Variants in MOXD1 observed in about 807,000 individuals in gnomAD.
The protein encoded by MOXD1 is DBH-like monooxygenase protein 1.
A neutral mutation model predicts 66.6 loss-of-function variants in MOXD1; 62 were observed. The ratio of observed to expected loss-of-function variants is 0.93; its 90% CI spans 0.76 to 1.15. The LOEUF (loss-of-function observed/expected upper bound fraction) is 1.15, where lower values mean the gene tolerates loss of function less well. Among genes scored for constraint, MOXD1 ranks in the 50% most tolerant of loss-of-function variants. The pLI, the probability that MOXD1 is intolerant of heterozygous loss-of-function variation, is 0.00. For missense variants in MOXD1, 847 were observed against 754.6 expected, an observed-to-expected ratio of 1.12 and a Z score of -1.44; for synonymous variants, 303 against 281.9, an observed-to-expected ratio of 1.07 and a Z score of -0.75.
At chr6:132,330,166 G>T (rs1022104580) in intron 4 of MOXD1, among the ~76,000 whole-genome samples, 8 of 152,152 alleles carry the variant, frequency 5.3e-5, no homozygotes, top group Admixed American at 3.9e-4. Flanking sequence ...TAGAGCAGGG[G>T]TCCCCAATCC....
In MOXD1 at chr6:132,374,632, G is replaced by A. The variant is rs61743596; in HGVS notation, c.410C>T (p.Thr137Met). The stretch of plus-strand genomic sequence containing the variant: ...TGCATTCACTCATAGATGCCTTACC[G>A]TTATACTCTTGTCATTTATGTCACA... ...HTCDINDKSI[T>M]DSTVRVIWAY... Residue 137 changes from threonine (T) to methionine (M), a missense_variant and splice_region_variant, in exon 2 of 12, where the codon ACG (threonine) becomes ATG (methionine). By Grantham distance (81) the Thr-to-Met change is moderately conservative. Coordinates refer to ENST00000367963, the MANE Select transcript of MOXD1 (RefSeq NM_015529.4). The A allele has an allele frequency of 1.4e-4, 219 of 1,613,258 alleles. No homozygotes were observed. The highest frequency in any genetic ancestry group is 2.2e-4 in the Admixed American group (13 of 59,992).
At position 132,315,755 on chromosome 6, in the gene MOXD1, T is replaced by A. The variant is rs1477772541; in HGVS notation, c.1388A>T (p.Glu463Val). 1 of 1,613,610 alleles carries A rather than the reference T, an allele frequency of 6.2e-7. No individual in the cohort carries two copies. Among genetic ancestry groups the A allele is most frequent in the East Asian group, 2.2e-5 (1 of 44,840 alleles). The change falls in exon 10 of 12, where the codon GAA (glutamate) becomes GTA (valine). Residue 463 changes from glutamate (E) to valine (V), a missense_variant. Physicochemically the swap from Glu to Val is moderately radical, Grantham distance 121. Transcript: ENST00000367963. The part of the protein sequence containing the change: ...MTWGGLSTRS[E>V]MCLSYLLYYP... ...ATAAAGAAGGTATGAGAGACACATT[T>A]CACTCCTGGTGCTTAGTCCTCCCTG...
At chr6:132,396,453 T>C (rs1347302880) in intron 1 of MOXD1, among the ~76,000 whole-genome samples, 1 of 151,640 alleles carries the variant, frequency 6.6e-6, no homozygotes, top group Admixed American at 6.6e-5. Context: ...ATAAATGATC[T>C]AATAATTCAC....
intron 4 of MOXD1, among the ~76,000 whole-genome samples, chr6:132,348,982 A>AT (rs1383288948): frequency 2.0e-5 from 3 of 150,208 alleles, no homozygotes; most frequent in Non-Finnish European, 4.4e-5. Flanking sequence ...ATTTTATTTT[A>AT]TTTTTTATTT....
chr6:132,401,394 C>A lies in MOXD1; in HGVS notation c.33G>T (p.Gly11=), dbSNP rs1773394622. Residue 11 remains glycine (G), a synonymous_variant, in exon 1 of 12, where the codon GGG becomes GGT. Coordinates refer to ENST00000367963, the MANE Select transcript of MOXD1 (RefSeq NM_015529.4). ...CCCCCGCCGCCGTCCCGGGGAGCAG[C>A]CCCCACAGCAGGAGCAGCGGCCAGC... The part of the protein sequence containing the change: MCCWPLLLLW[G]LLPGTAAGGS... 6.5e-7 allele frequency: 1 copy of A among 1,529,386 alleles called. No individual in the cohort carries two copies. Among genetic ancestry groups the A allele is most frequent in the Non-Finnish European group, 8.7e-7 (1 of 1,143,932 alleles). The allele number at this position is 1,529,386 out of a possible 1,614,324, so 94.7% of individuals were successfully genotyped here.
At chr6:132,317,471 C>T (rs2114560983) in intron 9 of MOXD1, among the ~76,000 whole-genome samples, 1 of 152,232 alleles carries the variant, frequency 6.6e-6, no homozygotes, top group Admixed American at 6.5e-5. Context: ...AGCATCTTAT[C>T]AACTAGTCAT....
At chr6:132,359,675 G>A (rs1180646648) in intron 4 of MOXD1, among the ~76,000 whole-genome samples, 4 of 151,430 alleles carry the variant, frequency 2.6e-5, no homozygotes, top group Admixed American at 6.6e-5. Flanking sequence ...TTTAGTAGAG[G>A]CGGGGTTTCA....
At chr6:132,357,785 T>G (rs1348949698) in intron 4 of MOXD1, among the ~76,000 whole-genome samples, 3 of 152,146 alleles carry the variant, frequency 2.0e-5, no homozygotes, top group South Asian at 2.1e-4. Flanking sequence ...TGAAATTGTT[T>G]TATATTTCAT....
chr6:132,347,843 T>C (rs946246037), intron 4 of MOXD1, among the ~76,000 whole-genome samples: 1 of 152,160 alleles, frequency 6.6e-6, no homozygotes, highest in African/African-American at 2.4e-5. Context: ...GTTAAACAAA[T>C]AAATGAATAG....
At chr6:132,380,894 T>C (rs185503193) in intron 1 of MOXD1, among the ~76,000 whole-genome samples, 4 of 152,292 alleles carry the variant, frequency 2.6e-5, no homozygotes, top group East Asian at 1.9e-4. Context: ...GGGAATGTTG[T>C]TGTGACCTTT....
intron 1 of MOXD1, among the ~76,000 whole-genome samples, chr6:132,384,838 A>G (rs1378051171): frequency 6.6e-6 from 1 of 152,186 alleles, no homozygotes; most frequent in Non-Finnish European, 1.5e-5. Flanking sequence ...CTTACATGCC[A>G]TTGTAGGGAG....
At chr6:132,341,380 G>C (rs1377712917) in intron 4 of MOXD1, among the ~76,000 whole-genome samples, 1 of 152,188 alleles carries the variant, frequency 6.6e-6, no homozygotes, top group Non-Finnish European at 1.5e-5. Flanking sequence ...AAATACGTTT[G>C]TGTTCTTTAT....
At chr6:132,303,080 G>A (rs553904639) in intron 10 of MOXD1, among the ~76,000 whole-genome samples, 1 of 111,066 alleles carries the variant, frequency 9.0e-6, no homozygotes, top group East Asian at 3.2e-4. Context: ...CTAAAACTGT[G>A]AACTTTTCAG....
chr6:132,380,869 C>G lies in MOXD1; in HGVS notation c.265-6092G>C, dbSNP rs564682346. Among the ~76,000 whole-genome samples, 274 of 152,248 alleles carry G rather than the reference C, an allele frequency of 1.8e-3. 1 individual carries two copies. The highest frequency in any genetic ancestry group is 6.2e-3 in the African/African-American group (259 of 41,542). On this transcript the variant is annotated intron_variant, in intron 1 of 11. Transcript: ENST00000367963. ...TGCATGATCTGTCATACAGACACAT[C>G]TGGCACTGAAATCTGGGAATGTTGT... is the stretch of plus-strand genomic sequence containing the variant.
chr6:132,345,682 T>C lies in MOXD1; in HGVS notation c.664-17088A>G, dbSNP rs536817862. Among the ~76,000 whole-genome samples the C allele has an allele frequency of 1.3e-4, 20 of 152,346 alleles. No homozygotes were observed. In the South Asian group the frequency reaches 3.5e-3, roughly 27 times the overall value. The stretch of plus-strand genomic sequence containing the variant: ...TAATTTATCTCCTCTTATTTTTTAA[T>C]GTAAAATTTGTATTTAGAGTAATAA... On this transcript the variant is annotated intron_variant, in intron 4 of 11. Coordinates refer to ENST00000367963, the MANE Select transcript of MOXD1 (RefSeq NM_015529.4).
rs767259255 is a variant in MOXD1, at chr6:132,328,130, T to C, written c.844-15A>G. The C allele has an allele frequency of 3.1e-6, 5 of 1,598,798 alleles. No individual in the cohort carries two copies. Among genetic ancestry groups the C allele is most frequent in the African/African-American group, 1.3e-5 (1 of 74,606 alleles). ...TAAGAAAAGCCCTAAATATGGAAAA[T>C]GCCATGAGACAATGTCCTATGAAAG... On this transcript the variant is annotated splice_polypyrimidine_tract_variant and intron_variant, in intron 5 of 11. Coordinates refer to ENST00000367963, the MANE Select transcript of MOXD1 (RefSeq NM_015529.4).
intron 4 of MOXD1, among the ~76,000 whole-genome samples, chr6:132,344,791 C>T (rs553021067): frequency 5.1e-4 from 77 of 152,270 alleles, no homozygotes; most frequent in African/African-American, 1.8e-3. Flanking sequence ...GACTGACCAC[C>T]TTTGAGTTGA....
In MOXD1 at chr6:132,372,598, A is replaced by T. The variant is rs143052729; in HGVS notation, c.663+10T>A. 4.9e-3 allele frequency: 7,860 copies of T among 1,597,466 alleles called. 35 individuals are homozygous for T. The highest frequency in any genetic ancestry group is 5.7e-3 in the Non-Finnish European group (6,616 of 1,165,306). ...GAAAATTAATTTTAGCCTATGAATG[A>T]GTCACATACCTTTATTACATGATGC... On this transcript the variant is annotated intron_variant, in intron 4 of 11. Coordinates refer to ENST00000367963, the MANE Select transcript of MOXD1 (RefSeq NM_015529.4).
intron 1 of MOXD1, among the ~76,000 whole-genome samples, chr6:132,388,380 C>A (rs1229199738): frequency 6.6e-6 from 1 of 151,382 alleles, no homozygotes; most frequent in African/African-American, 2.4e-5. Flanking sequence ...GGATTCACAC[C>A]CCGTCTAGAA....
Sources: gnomAD v4.1 joint callset for allele counts (sites outside exome capture counted in the v4.1 genomes callset) on GRCh38, gnomAD v4.1.1 for gene constraint, MANE v1.5 for transcripts, NCBI Gene and HGNC (gene_info 2026-07-23, HGNC 2026-07-21) for gene names.